The following ABCC3 variants were observed in gnomAD, a reference collection of about 807,000 sequenced individuals.
The protein encoded by ABCC3 is ATP binding cassette subfamily C member 3, also known as ATP-binding cassette sub-family C member 3.
ABCC3 carries 121 observed loss-of-function variants against 165.3 expected under a neutral mutation model. The observed-to-expected ratio is 0.73, with a 90% CI of 0.63 to 0.85. The LOEUF is 0.85. Among genes scored for constraint, ABCC3 ranks in the 40% least tolerant of loss-of-function variants. The pLI is 0.00. For missense variants in ABCC3, 1,869 were observed against 1,964.1 expected (o/e 0.95, Z 0.92); for synonymous variants, 733 against 810.1 (o/e 0.90, Z 1.62).
chr17:50,659,245 T>C lies in ABCC3; in HGVS notation c.683T>C (p.Ile228Thr). The C allele has an allele frequency of 6.2e-7, 1 of 1,613,662 alleles. No homozygotes were observed. Among genetic ancestry groups the C allele is most frequent in the East Asian group, 2.2e-5 (1 of 44,870 alleles). Residue 228 changes from isoleucine to threonine, a missense_variant, in exon 7 of 31, where the codon ATC becomes ACC. Transcript: ENST00000285238. ...LFFWWFTKMA[I>T]YGYRHPLEEK... The stretch of plus-strand genomic sequence containing the variant: ...GCTTCACCTCCCCCCAGGATGGCCA[T>C]CTATGGCTACCGGCATCCCCTGGAG...
In ABCC3 at chr17:50,679,912, A is replaced by G; in HGVS notation, c.3807+13A>G. 2 of 1,607,026 alleles carry G rather than the reference A, an allele frequency of 1.2e-6. No individual in the cohort carries two copies. The highest frequency in any genetic ancestry group is 1.7e-6 in the Non-Finnish European group (2 of 1,173,684). On this transcript the variant is annotated intron_variant, in intron 26 of 30. Transcript: ENST00000285238. ...GACAGAGACAGAGGTGGGTACTGGC[A>G]TGAGCCCGGGACAGGGGGAATCTGA...
chr17:50,686,183 G>C (rs906847081), intron 29 of ABCC3, among the ~76,000 whole-genome samples: 1 of 152,206 alleles, frequency 6.6e-6, no homozygotes, highest in African/African-American at 2.4e-5. Context: ...GACCGAGCGA[G>C]ACTTCGTCTC....
rs773972809 is a variant in ABCC3, at chr17:50,683,634, C to T, written c.3832C>T (p.Arg1278Cys). Reference sequence around the variant, plus strand: ...GGCGCCCTGGGTGGTGGAAGGCAGCCGCCCTCCCGAAGGTTGGCCCCCACG... The same window carrying T: ...GGCGCCCTGGGTGGTGGAAGGCAGCTGCCCTCCCGAAGGTTGGCCCCCACG... Reference protein sequence around the residue: ...TEAPWVVEGSRPPEGWPPRGE... With the variant: ...TEAPWVVEGSCPPEGWPPRGE... Residue 1278 changes from arginine to cysteine, a missense_variant, in exon 27 of 31, where the codon CGC becomes TGC. Transcript: ENST00000285238. 17 of 1,586,730 alleles carry T rather than the reference C, an allele frequency of 1.1e-5. No homozygotes were observed. In the African/African-American group the frequency reaches 1.2e-4, roughly 11 times the overall value.
chr17:50,687,444 T>C (rs910840029), intron 29 of ABCC3, 92 bp from the exon 30 acceptor site: 119 of 1,308,306 alleles, frequency 9.1e-5, no homozygotes, highest in Non-Finnish European at 1.1e-4. Flanking sequence ...AAACCAGTCC[T>C]GGGCCACTGA....
At chr17:50,641,295 G>T (rs1198343164) in intron 1 of ABCC3, among the ~76,000 whole-genome samples, 3 of 152,236 alleles carry the variant, frequency 2.0e-5, no homozygotes, top group Non-Finnish European at 4.4e-5. Context: ...GGGTGATGGT[G>T]GGGGAGGGGG....
At chr17:50,639,338 C>T (rs1404505244) in intron 1 of ABCC3, among the ~76,000 whole-genome samples, 1 of 152,184 alleles carries the variant, frequency 6.6e-6, no homozygotes, top group African/African-American at 2.4e-5. Flanking sequence ...TCCTGCTGTT[C>T]CCCCACTTCA....
intron 1 of ABCC3, among the ~76,000 whole-genome samples, chr17:50,638,245 G>C (rs769585513): frequency 6.6e-6 from 1 of 152,174 alleles, no homozygotes; most frequent in African/African-American, 2.4e-5. Flanking sequence ...GGGAGCACCT[G>C]GGTGGTGAAG....
At chr17:50,656,305 C>T (rs1462005038) in intron 2 of ABCC3, among the ~76,000 whole-genome samples, 1 of 152,074 alleles carries the variant, frequency 6.6e-6, no homozygotes, top group African/African-American at 2.4e-5. Flanking sequence ...GGCTGGTCTC[C>T]AACTCCTGAC....
chr17:50,655,785 T>A, intron 1 of ABCC3, 47 bp from the exon 2 acceptor site: 3 of 1,579,500 alleles, frequency 1.9e-6, no homozygotes, highest in Non-Finnish European at 2.6e-6. Context: ...GGCAGCCCAA[T>A]TCTCTGTGGG....
At chr17:50,646,224 G>A (rs12051822) in intron 1 of ABCC3, among the ~76,000 whole-genome samples, 30,500 of 152,098 alleles carry the variant, frequency 0.2, 3,283 homozygotes, top group South Asian at 0.28. Context: ...TCTGGGGGAG[G>A]AGTGTTCCAG....
At chr17:50,657,745 G>A (rs756686545) in intron 4 of ABCC3, among the ~76,000 whole-genome samples, 12 of 152,186 alleles carry the variant, frequency 7.9e-5, no homozygotes, top group South Asian at 4.1e-4. Context: ...ATGTGGGCTC[G>A]GGCGGGTCGC....
chr17:50,660,843 T>C, intron 7 of ABCC3, 80 bp from the exon 8 acceptor site: 1 of 1,261,652 alleles, frequency 7.9e-7, no homozygotes, highest in Non-Finnish European at 1.1e-6. Context: ...TCCTCACTCC[T>C]AGCCAGCCCA....
At chr17:50,645,222 A>C (rs1474821253) in intron 1 of ABCC3, among the ~76,000 whole-genome samples, 1 of 150,772 alleles carries the variant, frequency 6.6e-6, no homozygotes, top group Non-Finnish European at 1.5e-5. Context: ...AAAAAGAAAG[A>C]AATTAACCAG....
intron 7 of ABCC3, among the ~76,000 whole-genome samples, chr17:50,660,384 G>A (rs191063442): frequency 9.2e-5 from 14 of 152,270 alleles, no homozygotes; most frequent in African/African-American, 1.2e-4. Flanking sequence ...CCACAATCCA[G>A]GCCTAGGAGT....
Position 50,673,487 on chromosome 17 carries a change from C to G in ABCC3, c.2428C>G (p.His810Asp). The G allele has an allele frequency of 5.0e-6, 8 of 1,614,078 alleles. No individual in the cohort carries two copies. Among genetic ancestry groups the G allele is most frequent in the Non-Finnish European group, 6.8e-6 (8 of 1,179,974 alleles). ...LAGKTRVLVT[H>D]GISFLPQTDF... ...TCCCCAGACGCGAGTGCTGGTGACG[C>G]ACGGCATTAGCTTCCTGCCCCAGAC... The change falls in exon 19 of 31, where the codon CAC (histidine) becomes GAC (aspartate). Residue 810 changes from histidine (H) to aspartate (D), a missense_variant. Coordinates refer to ENST00000285238, the MANE Select transcript of ABCC3 (RefSeq NM_003786.4).
At chr17:50,675,237 T>C (rs1173660899) in intron 19 of ABCC3, 125 bp from the exon 20 acceptor site, 1 of 599,838 alleles carries the variant, frequency 1.7e-6, no homozygotes. Flanking sequence ...GCCCTTTCAA[T>C]CCCCCTCATT....
At chr17:50,681,427 G>A (rs1251670377) in intron 26 of ABCC3, among the ~76,000 whole-genome samples, 2 of 151,986 alleles carry the variant, frequency 1.3e-5, no homozygotes, top group South Asian at 2.1e-4. Context: ...TCTCATGGCC[G>A]CTTGAGGACC....
intron 11 of ABCC3, among the ~76,000 whole-genome samples, chr17:50,666,427 C>T (rs1010327475): frequency 2.0e-5 from 3 of 152,092 alleles, no homozygotes; most frequent in East Asian, 1.9e-4. Context: ...GCCAAGATCG[C>T]GCCATTGCAC....
At position 50,669,197 on chromosome 17, in the gene ABCC3, T is replaced by C. The variant is rs1409405784; in HGVS notation, c.1995T>C (p.Cys665=). ...ALVAVVGPVG[C]GKSSLVSALL... ...TGGCCGTGGTGGGGCCTGTGGGCTG[T>C]GGGAAGTCCTCCCTGGTGTCTGCCC... The change falls in exon 16 of 31, where the codon TGT becomes TGC. Residue 665 remains cysteine, a synonymous_variant. Transcript: ENST00000285238. The C allele has an allele frequency of 6.2e-7, 1 of 1,610,246 alleles. No homozygotes were observed. The highest frequency in any genetic ancestry group is 1.1e-5 in the South Asian group (1 of 90,714).
Sources: allele counts gnomAD v4.1 joint callset (sites outside exome capture counted in the v4.1 genomes callset), GRCh38; gene constraint gnomAD v4.1.1; transcripts MANE v1.5; gene names NCBI Gene and HGNC (gene_info 2026-07-23, HGNC 2026-07-21).